VPS13C: variants seen among roughly 807,000 people sequenced by gnomAD.
VPS13C encodes intermembrane lipid transfer protein VPS13C.
A neutral mutation model predicts 456.8 loss-of-function variants in VPS13C; 358 were observed. The observed-to-expected ratio is 0.78, with a 90% CI of 0.72 to 0.86. The LOEUF (loss-of-function observed/expected upper bound fraction) is 0.86. Ranked by LOEUF, VPS13C falls within the 40% of genes least tolerant of loss-of-function variation. The pLI is 0.00. For missense variants in VPS13C, 4,818 were observed against 4,385.4 expected, an observed-to-expected ratio of 1.10 and a Z score of -2.79; for synonymous variants, 1,578 against 1,486.7, an observed-to-expected ratio of 1.06 and a Z score of -1.41.
rs756726482 is a variant in VPS13C, at chr15:61,946,322, C to G, written c.4965G>C (p.Gln1655His). 3.8e-6 allele frequency: 6 copies of G among 1,594,046 alleles called. No homozygotes were observed. The South Asian group carries it at 6.9e-5, about 18-fold the overall frequency. ...TTTTAATCACCTTTTTGTGAATGGA[C>G]TGCAAATCTACATTCATAACTATAA... ...KDIIVMNVDL[Q>H]SIHKKAVSIL... The change falls in exon 44 of 85, where the codon CAG becomes CAC. Residue 1655 changes from glutamine (Q) to histidine (H), a missense_variant. Transcript: ENST00000644861.
At chr15:62,031,865 C>T (rs760202049) in intron 5 of VPS13C, among the ~76,000 whole-genome samples, 8 of 151,748 alleles carry the variant, frequency 5.3e-5, no homozygotes, top group Non-Finnish European at 7.4e-5. Context: ...AGTCTGAGTA[C>T]GAAATGTGTA....
intron 60 of VPS13C, among the ~76,000 whole-genome samples, chr15:61,916,359 T>G (rs114350895): frequency 6.6e-6 from 1 of 152,172 alleles, no homozygotes; most frequent in African/African-American, 2.4e-5. Flanking sequence ...GCCACTTAAC[T>G]GCCTGGCCTT....
At chr15:62,054,956 C>T (rs1044588094) in intron 1 of VPS13C, among the ~76,000 whole-genome samples, 3 of 152,226 alleles carry the variant, frequency 2.0e-5, no homozygotes, top group South Asian at 2.1e-4. Context: ...TTACAGATTA[C>T]GAGAGTGAGA....
chr15:61,898,416 A>T (rs1185650771), intron 66 of VPS13C, among the ~76,000 whole-genome samples: 33 of 149,064 alleles, frequency 2.2e-4, no homozygotes, highest in South Asian at 4.3e-4. Flanking sequence ...AAATCTACCA[A>T]GCAAATGGAA....
intron 2 of VPS13C, among the ~76,000 whole-genome samples, chr15:62,042,124 A>C (rs928890044): frequency 1.3e-5 from 2 of 152,224 alleles, no homozygotes; most frequent in Non-Finnish European, 2.9e-5. Context: ...AAATCTTTAA[A>C]AGAAAAGCTA....
chr15:61,998,600 G>C (rs937650498), intron 16 of VPS13C, among the ~76,000 whole-genome samples: 3 of 152,080 alleles, frequency 2.0e-5, no homozygotes, highest in Non-Finnish European at 4.4e-5. Flanking sequence ...GGGGTCAAAC[G>C]GCCCAAAATC....
At position 61,962,316 on chromosome 15, in the gene VPS13C, C is replaced by T; in HGVS notation, c.3603+55G>A. ...TTATAACATTTGCCATCATAATTAT[C>T]ACACTTTTAAAATATTTCAAAGTTG... On this transcript the variant is annotated intron_variant, in intron 34 of 84. Transcript: ENST00000644861. 4.1e-6 allele frequency: 6 copies of T among 1,457,996 alleles called. No individual in the cohort carries two copies. In the South Asian group the frequency reaches 5.8e-5, roughly 14 times the overall value. The allele number at this position is 1,457,996 out of a possible 1,614,324, so 90.3% of individuals were successfully genotyped here.
intron 5 of VPS13C, among the ~76,000 whole-genome samples, chr15:62,028,825 C>T (rs972671007): frequency 3.9e-5 from 6 of 151,992 alleles, no homozygotes; most frequent in African/African-American, 1.5e-4. Context: ...TTAGAGTGGG[C>T]TGAAATGACC....
intron 66 of VPS13C, among the ~76,000 whole-genome samples, chr15:61,895,286 C>T (rs1188212401): frequency 6.6e-6 from 1 of 151,888 alleles, no homozygotes; most frequent in Non-Finnish European, 1.5e-5. Context: ...AACAACCTAA[C>T]AGTATACCTT....
chr15:62,053,037 T>G (rs539669041), intron 1 of VPS13C, among the ~76,000 whole-genome samples: 2 of 152,264 alleles, frequency 1.3e-5, no homozygotes, highest in Non-Finnish European at 2.9e-5. Context: ...AGTTAATTTT[T>G]AATTAGTAAT....
intron 10 of VPS13C, 62 bp downstream of exon 10, chr15:62,013,871 T>C: frequency 7.8e-7 from 1 of 1,275,156 alleles, no homozygotes; most frequent in Non-Finnish European, 1.1e-6. Flanking sequence ...TCAATGTTTC[T>C]TCAAGAAAAT....
Position 61,867,858 on chromosome 15 carries a change from A to T in VPS13C, c.10863+801T>A. Reference sequence around the variant, plus strand: ...AAAATTGACAATGGAATTCACACACAGTCAATTAACACCACAGTTTGTTTT... The same window carrying T: ...AAAATTGACAATGGAATTCACACACTGTCAATTAACACCACAGTTTGTTTT... On this transcript the variant is annotated intron_variant, in intron 81 of 84. Transcript: ENST00000644861. This position sits in a 1 kb window ranked among gnomAD's most constrained non-coding sequence, Gnocchi z 5.0. The T allele has an allele frequency of 6.3e-7, 1 of 1,579,402 alleles. No individual in the cohort carries two copies. The highest frequency in any genetic ancestry group is 8.6e-7 in the Non-Finnish European group (1 of 1,163,796).
At chr15:62,017,102 T>A (rs545608052) in intron 9 of VPS13C, among the ~76,000 whole-genome samples, 2 of 152,384 alleles carry the variant, frequency 1.3e-5, no homozygotes, top group South Asian at 4.1e-4. Flanking sequence ...GAGAAGTGTC[T>A]GTTCATATCC....
At chr15:61,936,865 G>A in intron 47 of VPS13C, 115 bp from the exon 48 acceptor site, 1 of 1,078,996 alleles carries the variant, frequency 9.3e-7, no homozygotes, top group Non-Finnish European at 1.3e-6. Context: ...AAAAAGAAGA[G>A]AGTTAGAGTT....
At chr15:62,028,745 T>C (rs1046032676) in intron 5 of VPS13C, among the ~76,000 whole-genome samples, 1 of 152,064 alleles carries the variant, frequency 6.6e-6, no homozygotes, top group African/African-American at 2.4e-5. Context: ...TCCACTATTT[T>C]GGTTCTCTTT....
At chr15:61,873,618 A>G (rs1156363252) in intron 77 of VPS13C, among the ~76,000 whole-genome samples, 1 of 152,156 alleles carries the variant, frequency 6.6e-6, no homozygotes, top group Non-Finnish European at 1.5e-5. Flanking sequence ...CCACAGTGAG[A>G]TATTATCTCA....
intron 74 of VPS13C, among the ~76,000 whole-genome samples, 196 bp downstream of exon 74, chr15:61,878,411 C>T (rs1053857304): frequency 1.3e-5 from 2 of 151,660 alleles, no homozygotes; most frequent in East Asian, 1.9e-4. Context: ...AAACAAAAAA[C>T]AAGACTCTAC....
rs748139778 is a variant in VPS13C at position 62,000,624 on chromosome 15, G to A, written c.1293C>T (p.Asp431=). ...TAAAAACATCTAGAGTCTTCTCCAAGTCCTGTAAAAAACAGAGGCACTTAT... is the reference window on the plus strand; with the variant it reads ...TAAAAACATCTAGAGTCTTCTCCAAATCCTGTAAAAAACAGAGGCACTTAT... The part of the protein sequence containing the change: ...VSEEIQKEIQ[D]LEKTLDVFNI... The change falls in exon 16 of 85, where the codon GAC becomes GAT. Residue 431 remains aspartate, a splice_region_variant and synonymous_variant. Transcript: ENST00000644861. 9 of 1,598,018 alleles carry A rather than the reference G, an allele frequency of 5.6e-6. No homozygotes were observed. The African/African-American group carries it at 1.2e-4, about 22-fold the overall frequency.
At chr15:62,025,981 G>A (rs1329108256) in intron 6 of VPS13C, among the ~76,000 whole-genome samples, 1 of 150,686 alleles carries the variant, frequency 6.6e-6, no homozygotes, top group Non-Finnish European at 1.5e-5. Flanking sequence ...AAAGTTGCAT[G>A]GTTTTACATT....
Sources: allele counts gnomAD v4.1 joint callset (sites outside exome capture counted in the v4.1 genomes callset), GRCh38; gene constraint gnomAD v4.1.1; non-coding constraint Gnocchi (gnomAD v3.1); transcripts MANE v1.5; gene names NCBI Gene and HGNC (gene_info 2026-07-23, HGNC 2026-07-21).